The following ABCB1 variants were observed in gnomAD, a reference collection of about 807,000 sequenced individuals.
ABCB1 encodes ATP binding cassette subfamily B member 1, also known as ATP-dependent translocase ABCB1.
ABCB1 carries 69 observed loss-of-function variants against 142.0 expected under a neutral mutation model. The ratio of observed to expected loss-of-function variants is 0.49; its 90% confidence interval spans 0.40 to 0.59. ABCB1 has a LOEUF of 0.59. Among genes scored for constraint, ABCB1 ranks in the 20% least tolerant of loss-of-function variants. ABCB1 has a pLI of 0.00. For synonymous variants in ABCB1, 532 were observed against 539.2 expected (o/e 0.99, Z 0.18); for missense variants, 1,326 against 1,554.7 (o/e 0.85, Z 2.47).
chr7:87,551,618 G>A (rs1183305779), intron 9 of ABCB1, among the ~76,000 whole-genome samples: 9 of 151,882 alleles, frequency 5.9e-5, no homozygotes, highest in Admixed American at 5.9e-4. Context: ...AGTCTCCGAA[G>A]TAGCTGGGAC....
chr7:87,656,837 A>G (rs931451685), intron 1 of ABCB1, among the ~76,000 whole-genome samples: 1 of 152,222 alleles, frequency 6.6e-6, no homozygotes, highest in Non-Finnish European at 1.5e-5. Context: ...ATTCAAAAAC[A>G]TAATGTAATG....
chr7:87,665,791 A>G (rs192965246), intron 1 of ABCB1, among the ~76,000 whole-genome samples: 69 of 152,104 alleles, frequency 4.5e-4, no homozygotes, highest in Non-Finnish European at 8.4e-4. Context: ...AACGTGTGAT[A>G]TTTGGTTTTC....
intron 4 of ABCB1, among the ~76,000 whole-genome samples, chr7:87,583,779 A>C (rs1818619317): frequency 6.6e-6 from 1 of 152,226 alleles, no homozygotes; most frequent in Non-Finnish European, 1.5e-5. Flanking sequence ...ATTAACATAC[A>C]AACAATAAAA....
chr7:87,684,338 TTA>T (rs1262198674), intron 1 of ABCB1, among the ~76,000 whole-genome samples: 1 of 152,160 alleles, frequency 6.6e-6, no homozygotes, highest in Non-Finnish European at 1.5e-5. Flanking sequence ...ACTCTAAAAT[TTA>T]TATGTCTAGG....
At position 87,531,291 on chromosome 7, in the gene ABCB1, C is replaced by T; in HGVS notation, c.2685+3G>A. On this transcript the variant is annotated splice_donor_region_variant and intron_variant, in intron 21 of 27. Coordinates refer to ENST00000622132, the MANE Select transcript of ABCB1 (RefSeq NM_001348946.2). Reference sequence around the variant, plus strand: ...TTAATCAATCATATTTAGTTTGACTCACCTTCCCAGAACCTTCTAGTTCTT... The same window carrying T: ...TTAATCAATCATATTTAGTTTGACTTACCTTCCCAGAACCTTCTAGTTCTT... 1 of 1,611,842 alleles carries T rather than the reference C, an allele frequency of 6.2e-7. No individual in the cohort carries two copies. The highest frequency in any genetic ancestry group is 8.5e-7 in the Non-Finnish European group (1 of 1,178,434).
intron 1 of ABCB1, among the ~76,000 whole-genome samples, chr7:87,670,331 G>A (rs1288436059): frequency 6.6e-6 from 1 of 152,182 alleles, no homozygotes; most frequent in African/African-American, 2.4e-5. Flanking sequence ...GACCCATTGG[G>A]TTCTGTTTTT....
intron 1 of ABCB1, among the ~76,000 whole-genome samples, chr7:87,646,196 A>G (rs1822982393): frequency 6.6e-6 from 1 of 152,242 alleles, no homozygotes; most frequent in South Asian, 2.1e-4. Flanking sequence ...TGAGTAATGT[A>G]GAAAAATATT....
At chr7:87,655,159 C>T (rs929826996) in intron 1 of ABCB1, among the ~76,000 whole-genome samples, 1 of 151,976 alleles carries the variant, frequency 6.6e-6, no homozygotes, top group Non-Finnish European at 1.5e-5. Flanking sequence ...CATTAGTCTT[C>T]TATGTGATTA....
chr7:87,690,077 G>C (rs1263148711), intron 1 of ABCB1, among the ~76,000 whole-genome samples: 1 of 151,928 alleles, frequency 6.6e-6, no homozygotes, highest in Non-Finnish European at 1.5e-5. Flanking sequence ...TGATCCTTCT[G>C]CTTCCACCTC....
intron 1 of ABCB1, among the ~76,000 whole-genome samples, chr7:87,615,901 A>G (rs1320595659): frequency 1.1e-4 from 17 of 152,116 alleles, no homozygotes; most frequent in Admixed American, 1.1e-3. Context: ...TCTACCAAAT[A>G]TTTTTTCCTG....
chr7:87,686,439 A>T (rs1038629444), intron 1 of ABCB1, among the ~76,000 whole-genome samples: 17 of 152,214 alleles, frequency 1.1e-4, no homozygotes, highest in African/African-American at 4.1e-4. Context: ...GAGGCATAGA[A>T]GTACCTCAAA....
chr7:87,685,160 C>T (rs1280435665), intron 1 of ABCB1, among the ~76,000 whole-genome samples: 7 of 151,824 alleles, frequency 4.6e-5, no homozygotes, highest in African/African-American at 1.5e-4. Flanking sequence ...AGGCATAGAC[C>T]AGGAAAAAAT....
At chr7:87,544,751 G>T (rs778658210) in intron 16 of ABCB1, 72 bp downstream of exon 16, 2 of 1,503,290 alleles carry the variant, frequency 1.3e-6, no homozygotes, top group East Asian at 4.5e-5. Flanking sequence ...CACTCCTACT[G>T]TAGCCCTAGC....
upstream of ABCB1, among the ~76,000 whole-genome samples, chr7:87,605,071 G>T (rs1457713147): frequency 6.6e-6 from 1 of 152,182 alleles, no homozygotes; most frequent in Non-Finnish European, 1.5e-5. Context: ...ACACTAGTAG[G>T]CTAAATGCCT....
intron 1 of ABCB1, among the ~76,000 whole-genome samples, chr7:87,640,084 A>G (rs997473247): frequency 1.3e-5 from 2 of 150,200 alleles, no homozygotes; most frequent in African/African-American, 4.9e-5. Flanking sequence ...TTTGGCAGTT[A>G]CCTTTGGTTT....
At chr7:87,600,056 A>G in intron 2 of ABCB1, 61 bp downstream of exon 2, 2 of 1,424,554 alleles carry the variant, frequency 1.4e-6, no homozygotes, top group Admixed American at 3.5e-5. Flanking sequence ...GCTGGAGGCT[A>G]GAAATAAATT....
intron 21 of ABCB1, among the ~76,000 whole-genome samples, chr7:87,530,822 C>CAAGAAAGA (rs1376573110): frequency 1.6e-4 from 13 of 80,080 alleles, no homozygotes; most frequent in African/African-American, 5.0e-4. Context: ...AGCAAGAAAG[C>CAAGAAAGA]AAGAAAGCAA....
At chr7:87,590,206 T>C (rs1171692111) in intron 3 of ABCB1, among the ~76,000 whole-genome samples, 1 of 152,192 alleles carries the variant, frequency 6.6e-6, no homozygotes, top group African/African-American at 2.4e-5. Flanking sequence ...AAAAGCTACC[T>C]ATCCTCACAA....
chr7:87,563,227 C>G (rs1817644662), intron 7 of ABCB1: 1 of 267,082 alleles, frequency 3.7e-6, no homozygotes, highest in Admixed American at 4.6e-5. Flanking sequence ...TGAATTCTGC[C>G]AAATGTAAAA....
Sources: gnomAD v4.1 joint callset for allele counts (sites outside exome capture counted in the v4.1 genomes callset) on GRCh38, gnomAD v4.1.1 for gene constraint, MANE v1.5 for transcripts, NCBI Gene and HGNC (gene_info 2026-07-23, HGNC 2026-07-21) for gene names.